CD80: variants seen among roughly 807,000 people sequenced by gnomAD.
The protein encoded by CD80 is T-lymphocyte activation antigen CD80.
A neutral mutation model predicts 27.1 loss-of-function variants in CD80; 13 were observed. The observed-to-expected ratio is 0.48, with a 90% CI of 0.31 to 0.76. The LOEUF (loss-of-function observed/expected upper bound fraction) is 0.76, where lower values mean the gene tolerates loss of function less well. Among genes scored for constraint, CD80 ranks in the 30% least tolerant of loss-of-function variants. The pLI, the probability that CD80 is intolerant of heterozygous loss-of-function variation, is 0.04. For missense variants in CD80, 277 were observed against 347.9 expected (o/e 0.80, Z 1.62); for synonymous variants, 125 against 125.5 (o/e 1.00, Z 0.03).
At chr3:119,543,351 GT>G (rs1467619466) in intron 3 of CD80, among the ~76,000 whole-genome samples, 1 of 150,460 alleles carries the variant, frequency 6.6e-6, no homozygotes, top group Non-Finnish European at 1.5e-5. Flanking sequence ...TCATAAATTA[GT>G]TTTTTTCCTT....
rs765566314 is a variant in CD80 at position 119,540,185 on chromosome 3, G to A, written c.419-2767C>T. Among the ~76,000 whole-genome samples, 65 of 152,268 alleles carry A rather than the reference G, an allele frequency of 4.3e-4. 1 individual carries two copies. The highest frequency in any genetic ancestry group is 6.8e-3 in the Middle Eastern group (2 of 294). On this transcript the variant is annotated intron_variant, in intron 3 of 6. Transcript: ENST00000264246. ...AGGATGGTCTCAGTCTCCTGACCTC[G>A]TGATCCACCAGCCTCGGCCTCCCAA...
chr3:119,527,752 C>G lies in CD80; in HGVS notation c.*19G>C, dbSNP rs1201273683. The stretch of plus-strand genomic sequence containing the variant: ...GGCTACCTTCAGATCTTTTCAGCCC[C>G]TTGCTTCTGCGGACACTGTTATACA... On this transcript the variant is annotated 3_prime_UTR_variant, in exon 6 of 7. Coordinates refer to ENST00000264246, the MANE Select transcript of CD80 (RefSeq NM_005191.4). The G allele has an allele frequency of 1.2e-6, 2 of 1,607,698 alleles. No individual in the cohort carries two copies. The highest frequency in any genetic ancestry group is 1.7e-6 in the Non-Finnish European group (2 of 1,174,250).
chr3:119,535,055 G>A (rs2082129495), intron 4 of CD80, among the ~76,000 whole-genome samples: 1 of 152,102 alleles, frequency 6.6e-6, no homozygotes, highest in South Asian at 2.1e-4. Flanking sequence ...ATCTGTGTGT[G>A]GTGGCTGGCA....
chr3:119,548,961 T>C lies in CD80; in HGVS notation c.101-4094A>G, dbSNP rs544467068. Among the ~76,000 whole-genome samples the C allele has an allele frequency of 3.3e-5, 5 of 152,238 alleles. 1 individual carries two copies. Among genetic ancestry groups the C allele is most frequent in the Admixed American group, 2.6e-4 (4 of 15,284 alleles). ...CTGAGGCAGGAGAATCACTTGAACC[T>C]GGGAGGCAGAGGTTGCAGTGAGCCA... On this transcript the variant is annotated intron_variant, in intron 2 of 6. Coordinates refer to ENST00000264246, the MANE Select transcript of CD80 (RefSeq NM_005191.4).
chr3:119,532,836 C>A (rs979980376), intron 4 of CD80, among the ~76,000 whole-genome samples: 4 of 152,140 alleles, frequency 2.6e-5, no homozygotes, highest in Non-Finnish European at 4.4e-5. Context: ...GGTCTCTTTG[C>A]CTCAGGTTTC....
chr3:119,539,270 CT>C (rs1244440158), intron 3 of CD80, among the ~76,000 whole-genome samples: 1 of 152,084 alleles, frequency 6.6e-6, no homozygotes, highest in African/African-American at 2.4e-5. Context: ...GTTTGGGAGT[CT>C]TCCATGCATA....
chr3:119,535,453 T>C (rs987198923), intron 4 of CD80, among the ~76,000 whole-genome samples: 6 of 152,198 alleles, frequency 3.9e-5, no homozygotes, highest in African/African-American at 1.2e-4. Context: ...GAGAGACCTG[T>C]GGTCCTCTGT....
At chr3:119,543,405 T>A (rs1204206486) in intron 3 of CD80, among the ~76,000 whole-genome samples, 1 of 152,150 alleles carries the variant, frequency 6.6e-6, no homozygotes. Context: ...AACTTTTTTT[T>A]TTTTTTAAGA....
At chr3:119,526,899 T>C (rs1027353525) in intron 6 of CD80, among the ~76,000 whole-genome samples, 1 of 152,178 alleles carries the variant, frequency 6.6e-6, no homozygotes, top group Non-Finnish European at 1.5e-5. Flanking sequence ...TATAACTACC[T>C]GGGACCTGAT....
intron 2 of CD80, among the ~76,000 whole-genome samples, chr3:119,555,032 G>A (rs780607495): frequency 4.6e-5 from 7 of 152,110 alleles, no homozygotes; most frequent in Non-Finnish European, 1.0e-4. Flanking sequence ...GCATCACCTA[G>A]GTGCTTCTTA....
In CD80 at chr3:119,527,832, G is replaced by C. The variant is rs540321705; in HGVS notation, c.806C>G (p.Pro269Arg). 29 of 1,613,514 alleles carry C rather than the reference G, an allele frequency of 1.8e-5. No individual in the cohort carries two copies. The South Asian group carries it at 2.5e-4, about 14-fold the overall frequency. ...ATTCCTCCTTCTCTCTCTGCATCTT[G>C]GGGCAAAGCCTTGGAGACAAGAACA... ...VICCLTYCFA[P>R]RCRERRRNER... is the part of the protein sequence containing the mutation. Residue 269 changes from proline to arginine, a missense_variant, in exon 6 of 7, where the codon CCA (proline) becomes CGA (arginine). By Grantham distance (103) the Pro-to-Arg change is moderately radical (BLOSUM62 -2). Transcript: ENST00000264246.
rs117639583 is a variant in CD80 at position 119,530,326 on chromosome 3, G to A, written c.701-389C>T. ...TTATTTTTCCTTCTCTAGCTCTGTC[G>A]TGCCTTCTCCCTTTCTCCTACCATA... On this transcript the variant is annotated intron_variant, in intron 4 of 6. Transcript: ENST00000264246. Among the ~76,000 whole-genome samples, 35 of 152,124 alleles carry A rather than the reference G, an allele frequency of 2.3e-4. 1 individual carries two copies. In the East Asian group the frequency reaches 6.6e-3, roughly 29 times the overall value.
chr3:119,552,951 G>T (rs2082242372), intron 2 of CD80, among the ~76,000 whole-genome samples: 1 of 151,944 alleles, frequency 6.6e-6, no homozygotes, highest in African/African-American at 2.4e-5. Context: ...GAGGAGATGG[G>T]GTACAGGGGA....
At position 119,545,905 on chromosome 3, in the gene CD80, A is replaced by G. The variant is rs747269581; in HGVS notation, c.101-1038T>C. Among the ~76,000 whole-genome samples, 41 of 152,286 alleles carry G rather than the reference A, an allele frequency of 2.7e-4. 1 individual carries two copies. Among genetic ancestry groups the G allele is most frequent in the Non-Finnish European group, 5.9e-4 (40 of 68,028 alleles). ...AATTTTGGGGTCATATGGTAGTTCT[A>G]TTTTTAATTTTCTGAGGAACCTCAA... On this transcript the variant is annotated intron_variant, in intron 2 of 6. Transcript: ENST00000264246.
At chr3:119,539,801 T>C (rs1016625877) in intron 3 of CD80, among the ~76,000 whole-genome samples, 2 of 152,330 alleles carry the variant, frequency 1.3e-5, no homozygotes, top group African/African-American at 4.8e-5. Flanking sequence ...ATGTAGCATA[T>C]GGTCATCAAA....
At chr3:119,547,570 A>G (rs563354605) in intron 2 of CD80, among the ~76,000 whole-genome samples, 1 of 152,196 alleles carries the variant, frequency 6.6e-6, no homozygotes, top group Non-Finnish European at 1.5e-5. Context: ...CCTGTTCCTT[A>G]TTGATGTACT....
intron 2 of CD80, 51 bp downstream of exon 2, chr3:119,557,578 T>C (rs1234302329): frequency 2.3e-6 from 3 of 1,326,032 alleles, no homozygotes; most frequent in Admixed American, 3.6e-5. Context: ...CCATGTCCTT[T>C]CTCTTAACCC....
chr3:119,558,571 T>C (rs1235571184), intron 1 of CD80, among the ~76,000 whole-genome samples: 1 of 152,142 alleles, frequency 6.6e-6, no homozygotes, highest in Non-Finnish European at 1.5e-5. Context: ...CAGACCAGCC[T>C]GGCCAACATG....
Position 119,524,786 on chromosome 3 carries a change from T to C in CD80, c.*1002A>G, listed in dbSNP as rs970344649. 1.3e-5 allele frequency: 2 copies of C among 152,248 alleles called. No individual in the cohort carries two copies. The highest frequency in any genetic ancestry group is 4.8e-5 in the African/African-American group (2 of 41,460). The allele number at this position is 152,248 out of a possible 1,614,324, so 9.4% of individuals were successfully genotyped here. Reference sequence around the variant, plus strand: ...CATGAACAGCAGTTGGCTATGTCTTTCCAGTTCTCTGCTGATGTCAGAAAG... The same window carrying C: ...CATGAACAGCAGTTGGCTATGTCTTCCCAGTTCTCTGCTGATGTCAGAAAG... On this transcript the variant is annotated 3_prime_UTR_variant, in exon 7 of 7. Transcript: ENST00000264246.
Sources: gnomAD v4.1 joint callset for allele counts (sites outside exome capture counted in the v4.1 genomes callset) on GRCh38, gnomAD v4.1.1 for gene constraint, MANE v1.5 for transcripts, NCBI Gene and HGNC (gene_info 2026-07-23, HGNC 2026-07-21) for gene names.